The following RBFOX1 variants were observed in gnomAD, a reference collection of about 807,000 sequenced individuals.
RBFOX1 encodes the protein RNA binding protein fox-1 homolog 1.
Under a neutral mutation model 57.7 loss-of-function variants are expected in RBFOX1, and 8 were observed. The ratio of observed to expected loss-of-function variants is 0.14; its 90% CI spans 0.08 to 0.25. The LOEUF is 0.25. RBFOX1 is among the 10% of genes least tolerant of loss of function. RBFOX1 has a pLI of 1.00. For synonymous variants in RBFOX1, 326 were observed against 222.4 expected (o/e 1.47, Z -4.15); for missense variants, 611 against 548.5 (o/e 1.11, Z -1.14).
intron 3 of RBFOX1, among the ~76,000 whole-genome samples, chr16:5,834,155 G>C (rs552654484): frequency 6.6e-6 from 1 of 152,166 alleles, no homozygotes; most frequent in Admixed American, 6.5e-5. Flanking sequence ...AGTGGTACAC[G>C]TGGTTTTTGG....
chr16:6,549,094 G>A (rs113848506), intron 2 of RBFOX1, among the ~76,000 whole-genome samples: 1,642 of 121,122 alleles, frequency 0.014, 54 homozygotes, highest in African/African-American at 0.051. Context: ...GAGGAGGGAA[G>A]AGGAGGCGGG....
intron 3 of RBFOX1, among the ~76,000 whole-genome samples, chr16:6,795,321 C>T (rs973107887): frequency 6.6e-6 from 1 of 152,058 alleles, no homozygotes; most frequent in Admixed American, 6.5e-5. Context: ...TTTTCCAACA[C>T]TGGTTTCAGG....
chr16:5,694,109 A>G (rs1216436166), intron 3 of RBFOX1, among the ~76,000 whole-genome samples: 1 of 152,240 alleles, frequency 6.6e-6, no homozygotes, highest in Non-Finnish European at 1.5e-5. Flanking sequence ...TGCTTGGCTC[A>G]GAAGTAACCC....
At chr16:6,603,861 C>T (rs1050507617) in intron 2 of RBFOX1, among the ~76,000 whole-genome samples, 1 of 152,130 alleles carries the variant, frequency 6.6e-6, no homozygotes, top group Non-Finnish European at 1.5e-5. Flanking sequence ...CCCCATTTGC[C>T]TCGAGTTGCT....
chr16:7,254,247 C>A (rs1314985019), intron 4 of RBFOX1, among the ~76,000 whole-genome samples: 2 of 152,150 alleles, frequency 1.3e-5, no homozygotes, highest in African/African-American at 4.8e-5. Flanking sequence ...TGTTTGGCAG[C>A]AAGGACTCAT....
chr16:5,251,702 G>A (rs575903182), intron 1 of RBFOX1, among the ~76,000 whole-genome samples: 2 of 152,228 alleles, frequency 1.3e-5, no homozygotes, highest in Non-Finnish European at 2.9e-5. Context: ...ATGGAAAAGG[G>A]GCCTGAGGAA....
chr16:7,061,141 G>A (rs1400994086), intron 4 of RBFOX1, among the ~76,000 whole-genome samples: 2 of 152,116 alleles, frequency 1.3e-5, no homozygotes, highest in South Asian at 2.1e-4. Flanking sequence ...CCAAGCAAAG[G>A]GAGTTTGCCC....
chr16:6,510,878 G>GAA (rs2096242496), intron 2 of RBFOX1, among the ~76,000 whole-genome samples: 1 of 145,714 alleles, frequency 6.9e-6, no homozygotes, highest in Non-Finnish European at 1.5e-5. Flanking sequence ...GGAAAAAAAG[G>GAA]TATGCCCTCT....
rs186548289 is a variant in RBFOX1, at chr16:6,901,163, C to T, written c.-15-150894C>T. On this transcript the variant is annotated intron_variant, in intron 3 of 15. Transcript: ENST00000550418. ...AGACTGTCTCTTTCATGTCTCCCAT[C>T]CTAGTGTCTAACATAGGTATTCAAT... is the stretch of plus-strand genomic sequence containing the variant. 3.3e-3 allele frequency among the ~76,000 whole-genome samples: 506 copies of T among 152,222 alleles called. 6 individuals are homozygous for T. Among genetic ancestry groups the T allele is most frequent in the Admixed American group, 5.5e-3 (84 of 15,294 alleles).
chr16:6,638,186 A>G (rs560172352), intron 2 of RBFOX1, among the ~76,000 whole-genome samples: 2 of 152,288 alleles, frequency 1.3e-5, no homozygotes, highest in East Asian at 3.9e-4. Flanking sequence ...TAAAAATGAA[A>G]TGACAGGTTC....
Position 6,427,011 on chromosome 16 carries a change from T to C in RBFOX1, c.-64+109954T>C, listed in dbSNP as rs117520989. On this transcript the variant is annotated intron_variant, in intron 2 of 15. Transcript: ENST00000550418. ...GAGTTTCTGTGATTCCAATGCAGAC[T>C]ATGGCATGAACTCCTGTGTGTCTAG... Among the ~76,000 whole-genome samples, 1,323 of 152,338 alleles carry C rather than the reference T, an allele frequency of 8.7e-3. 6 individuals carry two copies. Among genetic ancestry groups the C allele is most frequent in the Non-Finnish European group, 0.014 (962 of 68,030 alleles).
chr16:7,306,580 CGTGTGTGTGTGT>C (rs58761346), intron 4 of RBFOX1, among the ~76,000 whole-genome samples: 2 of 149,036 alleles, frequency 1.3e-5, no homozygotes, highest in East Asian at 3.9e-4. Flanking sequence ...GAATGGTGTG[CGTGTGTGTGTGT>C]GTGTGTGTGT....
chr16:5,559,435 C>G lies in RBFOX1; in HGVS notation c.259-39467C>G, dbSNP rs189467480. The stretch of plus-strand genomic sequence containing the variant: ...ATAGGCTAATACATGAGGAAATAGA[C>G]TTATTTACATACTGTCAAAACAAGC... On this transcript the variant is annotated intron_variant, in intron 2 of 2. Coordinates refer to the RBFOX1 transcript ENST00000585867. Among the ~76,000 whole-genome samples, 258 of 152,248 alleles carry G rather than the reference C, an allele frequency of 1.7e-3. 3 individuals are homozygous for G. Among genetic ancestry groups the G allele is most frequent in the Middle Eastern group, 0.01 (3 of 294 alleles).
chr16:6,623,581 C>G (rs1027132242), intron 2 of RBFOX1, among the ~76,000 whole-genome samples: 4 of 152,012 alleles, frequency 2.6e-5, no homozygotes, highest in African/African-American at 7.2e-5. Flanking sequence ...TCTCCTAATG[C>G]TATCCCTCCC....
At chr16:6,218,529 C>G (rs1393706206) in intron 1 of RBFOX1, among the ~76,000 whole-genome samples, 5 of 152,048 alleles carry the variant, frequency 3.3e-5, no homozygotes, top group Admixed American at 1.3e-4. Flanking sequence ...AGGCTGATCT[C>G]AAACTCCTGG....
chr16:6,703,234 A>G (rs1326772675), intron 3 of RBFOX1, among the ~76,000 whole-genome samples: 1 of 152,108 alleles, frequency 6.6e-6, no homozygotes, highest in African/African-American at 2.4e-5. Context: ...TCTATTAATT[A>G]CTTATTATTA....
At chr16:7,001,668 G>T (rs1229949875) in intron 3 of RBFOX1, among the ~76,000 whole-genome samples, 3 of 151,990 alleles carry the variant, frequency 2.0e-5, no homozygotes, top group Non-Finnish European at 4.4e-5. Flanking sequence ...TGTTGGCCAG[G>T]GTGGTCTCAA....
In RBFOX1 at chr16:7,223,826, AT is replaced by A. The variant is rs35954368; in HGVS notation, c.27+171738del. ...GGAGCACTTCCTAAACCAAAAGAGC[AT>A]TTTTTTTTTGGTAGAAATAGCCATT... On this transcript the variant is annotated intron_variant, in intron 4 of 15. Transcript: ENST00000550418. Among the ~76,000 whole-genome samples, 865 of 150,724 alleles carry A rather than the reference AT, an allele frequency of 5.7e-3. 10 individuals carry two copies. The highest frequency in any genetic ancestry group is 0.019 in the African/African-American group (770 of 41,190).
At chr16:5,439,326 G>A (rs1275983505) in intron 1 of RBFOX1, among the ~76,000 whole-genome samples, 3 of 152,130 alleles carry the variant, frequency 2.0e-5, no homozygotes, top group African/African-American at 7.2e-5. Flanking sequence ...ACATGTAATG[G>A]GGGAATGGAA....
Sources: gnomAD v4.1 joint callset for allele counts (sites outside exome capture counted in the v4.1 genomes callset) on GRCh38, gnomAD v4.1.1 for gene constraint, MANE v1.5 for transcripts, NCBI Gene and HGNC (gene_info 2026-07-23, HGNC 2026-07-21) for gene names.